The following BRINP3 variants were observed in gnomAD, a reference collection of about 807,000 sequenced individuals.
BRINP3 encodes BMP/retinoic acid-inducible neural-specific protein 3.
A neutral mutation model predicts 71.0 loss-of-function variants in BRINP3; 19 were observed. The observed-to-expected ratio is 0.27, with a 90% CI of 0.19 to 0.39. The LOEUF (loss-of-function observed/expected upper bound fraction) is 0.39, where lower values mean the gene tolerates loss of function less well. BRINP3 is among the 10% of genes least tolerant of loss of function. The pLI is 1.00. For synonymous variants in BRINP3, 380 were observed against 337.7 expected (o/e 1.13, Z -1.37); for missense variants, 959 against 940.8 (o/e 1.02, Z -0.25).
At chr1:190,121,894 A>G (rs1292169727) in intron 7 of BRINP3, among the ~76,000 whole-genome samples, 2 of 152,240 alleles carry the variant, frequency 1.3e-5, no homozygotes, top group African/African-American at 4.8e-5. Flanking sequence ...TTTAAAAAAT[A>G]AAAATCGTGT....
intron 2 of BRINP3, among the ~76,000 whole-genome samples, chr1:190,314,466 T>G (rs561179833): frequency 6.6e-6 from 1 of 151,978 alleles, no homozygotes; most frequent in East Asian, 1.9e-4. Context: ...AAACAGTCAT[T>G]TGAAGTAGAG....
intron 2 of BRINP3, among the ~76,000 whole-genome samples, chr1:190,317,250 A>G (rs142585964): frequency 6.6e-6 from 1 of 151,770 alleles, no homozygotes; most frequent in African/African-American, 2.4e-5. Flanking sequence ...AGCTGATGTA[A>G]GGGGTCTTCT....
chr1:190,318,569 C>T, intron 2 of BRINP3, among the ~76,000 whole-genome samples: 1 of 152,178 alleles, frequency 6.6e-6, no homozygotes. Flanking sequence ...GTGATAAATG[C>T]AGGATTAGGG....
At chr1:190,145,962 C>A (rs1379290974) in intron 7 of BRINP3, among the ~76,000 whole-genome samples, 1 of 152,024 alleles carries the variant, frequency 6.6e-6, no homozygotes, top group South Asian at 2.1e-4. Context: ...ATGGAAAAAC[C>A]AAATATCATA....
intron 2 of BRINP3, among the ~76,000 whole-genome samples, chr1:190,299,228 T>C (rs984450444): frequency 3.8e-4 from 58 of 152,084 alleles, no homozygotes; most frequent in African/African-American, 1.3e-3. Context: ...ACAGCTTACA[T>C]AGGAGCTAAG....
At chr1:190,165,796 G>A (rs932138134) in intron 6 of BRINP3, among the ~76,000 whole-genome samples, 1 of 151,936 alleles carries the variant, frequency 6.6e-6, no homozygotes, top group African/African-American at 2.4e-5. Context: ...GAAAGAAGTG[G>A]GAATGTGAGT....
intron 2 of BRINP3, among the ~76,000 whole-genome samples, chr1:190,332,109 A>G (rs1049252406): frequency 7.2e-5 from 11 of 152,098 alleles, no homozygotes; most frequent in Non-Finnish European, 1.5e-4. Context: ...TCCAATAATT[A>G]TATATGCCTA....
At chr1:190,428,535 G>C (rs1382906235) in intron 2 of BRINP3, among the ~76,000 whole-genome samples, 1 of 151,750 alleles carries the variant, frequency 6.6e-6, no homozygotes, top group African/African-American at 2.4e-5. Flanking sequence ...TATCTTGTTT[G>C]TGTTCATTTA....
intron 6 of BRINP3, among the ~76,000 whole-genome samples, chr1:190,216,401 C>T (rs1037992219): frequency 7.3e-5 from 11 of 151,364 alleles, no homozygotes; most frequent in African/African-American, 2.4e-4. Flanking sequence ...TATGTATATG[C>T]TACCAATATT....
intron 7 of BRINP3, among the ~76,000 whole-genome samples, chr1:190,122,250 A>T (rs1361647960): frequency 2.0e-5 from 3 of 152,110 alleles, no homozygotes; most frequent in Non-Finnish European, 4.4e-5. Context: ...ATGCATTCAC[A>T]CACTCACTGG....
At chr1:190,175,709 C>T (rs1464049520) in intron 6 of BRINP3, among the ~76,000 whole-genome samples, 1 of 152,120 alleles carries the variant, frequency 6.6e-6, no homozygotes, top group Non-Finnish European at 1.5e-5. Flanking sequence ...AAAAGCATAA[C>T]AAACAGAAAT....
At chr1:190,131,717 T>G (rs1032544033) in intron 7 of BRINP3, among the ~76,000 whole-genome samples, 18 of 152,192 alleles carry the variant, frequency 1.2e-4, no homozygotes, top group African/African-American at 4.3e-4. Flanking sequence ...AGCCCACAGT[T>G]AATTCACATT....
chr1:190,145,616 G>A (rs534654517), intron 7 of BRINP3, among the ~76,000 whole-genome samples: 4 of 152,260 alleles, frequency 2.6e-5, no homozygotes, highest in East Asian at 1.9e-4. Context: ...CCAGTATGGA[G>A]ATTCCTTAAA....
At chr1:190,184,160 C>T (rs555761486) in intron 6 of BRINP3, among the ~76,000 whole-genome samples, 34 of 152,270 alleles carry the variant, frequency 2.2e-4, no homozygotes, top group Middle Eastern at 3.4e-3. Flanking sequence ...GTGAATGTCT[C>T]TGCACTTCTT....
chr1:190,408,278 T>C (rs936110786), intron 2 of BRINP3, among the ~76,000 whole-genome samples: 1 of 151,930 alleles, frequency 6.6e-6, no homozygotes, highest in Admixed American at 6.6e-5. Flanking sequence ...TCTCCTGACC[T>C]TGAGATCCGC....
intron 2 of BRINP3, among the ~76,000 whole-genome samples, chr1:190,441,324 C>T (rs1016194464): frequency 2.6e-5 from 4 of 151,930 alleles, no homozygotes; most frequent in African/African-American, 9.7e-5. Context: ...ACATCAGCAT[C>T]CTTGCAATAA....
At chr1:190,450,257 T>G (rs1260444176) in intron 2 of BRINP3, among the ~76,000 whole-genome samples, 2 of 152,224 alleles carry the variant, frequency 1.3e-5, no homozygotes, top group Non-Finnish European at 2.9e-5. Context: ...AGCTCCCTTC[T>G]GTATTTAGGG....
chr1:190,437,430 C>G (rs1160373796), intron 2 of BRINP3, among the ~76,000 whole-genome samples: 1 of 151,894 alleles, frequency 6.6e-6, no homozygotes, highest in East Asian at 1.9e-4. Flanking sequence ...TTCTTTTGCT[C>G]TGTCCAGTAA....
intron 1 of BRINP3, among the ~76,000 whole-genome samples, chr1:190,461,978 G>C (rs1428041300): frequency 6.6e-6 from 1 of 151,966 alleles, no homozygotes; most frequent in Non-Finnish European, 1.5e-5. Context: ...GCAGTGGCTC[G>C]ATCTCAGTCG....
Sources: gnomAD v4.1 joint callset for allele counts (sites outside exome capture counted in the v4.1 genomes callset) on GRCh38, gnomAD v4.1.1 for gene constraint, MANE v1.5 for transcripts, NCBI Gene and HGNC (gene_info 2026-07-23, HGNC 2026-07-21) for gene names.